PHACTR1: variants seen among roughly 807,000 people sequenced by gnomAD.
PHACTR1 encodes phosphatase and actin regulator 1.
A neutral mutation model predicts 69.2 loss-of-function variants in PHACTR1; 16 were observed. The observed-to-expected ratio is 0.23, with a 90% CI of 0.16 to 0.35. The LOEUF is 0.35. Ranked by LOEUF, PHACTR1 falls within the 10% of genes least tolerant of loss-of-function variation. The probability of loss-of-function intolerance (pLI) is 1.00; values close to 1 mark genes in which losing one functional copy is unlikely to be tolerated. For missense variants in PHACTR1, 510 were observed against 734.7 expected (o/e 0.69, Z 3.54); for synonymous variants, 312 against 284.5 (o/e 1.10, Z -0.97).
intron 8 of PHACTR1, among the ~76,000 whole-genome samples, chr6:13,217,688 A>G (rs536759895): frequency 2.6e-5 from 4 of 152,370 alleles, no homozygotes; most frequent in South Asian, 2.1e-4. Flanking sequence ...ATAGAACAGC[A>G]TAGTTTCCTG....
chr6:12,889,510 T>C (rs1376669414), intron 4 of PHACTR1, among the ~76,000 whole-genome samples: 1 of 152,260 alleles, frequency 6.6e-6, no homozygotes, highest in Non-Finnish European at 1.5e-5. Flanking sequence ...TTTGTCGGCC[T>C]TCTCTCAAAT....
At chr6:13,036,127 C>T (rs1280075279) in intron 4 of PHACTR1, among the ~76,000 whole-genome samples, 1 of 143,384 alleles carries the variant, frequency 7.0e-6, no homozygotes, top group Non-Finnish European at 1.6e-5. Context: ...TAAATCCACC[C>T]CCGCATTCCA....
intron 4 of PHACTR1, among the ~76,000 whole-genome samples, chr6:12,757,807 G>T (rs1767514773): frequency 6.6e-6 from 1 of 152,070 alleles, no homozygotes; most frequent in South Asian, 2.1e-4. Context: ...ACATCCAAGT[G>T]GCTACATTTA....
At chr6:12,763,505 TA>T (rs1390930934) in intron 4 of PHACTR1, among the ~76,000 whole-genome samples, 7 of 152,218 alleles carry the variant, frequency 4.6e-5, no homozygotes, top group African/African-American at 1.7e-4. Flanking sequence ...AGCAGAGTTA[TA>T]GCTACTGGGA....
In PHACTR1 at chr6:13,048,522, T is replaced by TTGTGTGTGTGTGTGTGTGTG. The variant is rs70989824; in HGVS notation, c.251-4830_251-4811dup. Among the ~76,000 whole-genome samples the TTGTGTGTGTGTGTGTGTGTG allele has an allele frequency of 2.0e-3, 281 of 142,966 alleles. 1 individual carries two copies. The highest frequency in any genetic ancestry group is 5.7e-3 in the African/African-American group (217 of 37,942). The allele number at this position is 142,966 out of a possible 152,430, so 93.8% of individuals were successfully genotyped here. On this transcript the variant is annotated intron_variant, in intron 4 of 14. Coordinates refer to ENST00000332995, the MANE Select transcript of PHACTR1 (RefSeq NM_030948.6). ...GACCTGTTTTTTGGTTTCCATTTCT[T>TTGTGTGTGTGTGTGTGTGTG]TGTGTGTGTGTGTGTGTGTGTGTGT...
At chr6:12,862,288 T>C (rs1484535191) in intron 4 of PHACTR1, among the ~76,000 whole-genome samples, 5 of 152,146 alleles carry the variant, frequency 3.3e-5, no homozygotes, top group Admixed American at 2.0e-4. Context: ...GGTTGGCCAA[T>C]GTTGGTGAGT....
chr6:12,963,812 A>T (rs1793065584), intron 4 of PHACTR1, among the ~76,000 whole-genome samples: 1 of 152,212 alleles, frequency 6.6e-6, no homozygotes, highest in South Asian at 2.1e-4. Flanking sequence ...TCTTGTTGTT[A>T]TTAGAATGAG....
chr6:12,772,281 A>C (rs1487611772), intron 4 of PHACTR1, among the ~76,000 whole-genome samples: 1 of 152,232 alleles, frequency 6.6e-6, no homozygotes, highest in Non-Finnish European at 1.5e-5. Context: ...CAGGATATGC[A>C]GGTTCACATA....
At chr6:13,184,998 C>T (rs1762655959) in intron 7 of PHACTR1, 1 of 1,365,680 alleles carries the variant, frequency 7.3e-7, no homozygotes, top group South Asian at 1.1e-5. Context: ...TTGCCAACCA[C>T]TTAACAGGTG....
intron 4 of PHACTR1, among the ~76,000 whole-genome samples, chr6:12,856,255 C>CTTTTTTTTTTT (rs66541950): frequency 1.5e-5 from 2 of 135,806 alleles, no homozygotes; most frequent in African/African-American, 5.6e-5. Flanking sequence ...TTCTTTCTTT[C>CTTTTTTTTTTT]TTTTTTTTTT....
chr6:13,044,554 C>T (rs1372805928), intron 4 of PHACTR1, among the ~76,000 whole-genome samples: 2 of 152,120 alleles, frequency 1.3e-5, no homozygotes, highest in East Asian at 1.9e-4. Context: ...ACATGCCCAC[C>T]TCTGGCGTCA....
At chr6:13,016,961 T>C (rs1800264003) in intron 4 of PHACTR1, among the ~76,000 whole-genome samples, 2 of 152,082 alleles carry the variant, frequency 1.3e-5, no homozygotes, top group Non-Finnish European at 1.5e-5. Flanking sequence ...CCAAAGCCTG[T>C]GGATCACTTG....
chr6:13,155,887 C>CA (rs56094310), intron 5 of PHACTR1, among the ~76,000 whole-genome samples: 8,220 of 135,786 alleles, frequency 0.061, 505 homozygotes, highest in African/African-American at 0.16. Flanking sequence ...GACTCCCTCT[C>CA]AAAAAAAAAA....
chr6:13,074,997 T>C (rs1810196733), intron 5 of PHACTR1, among the ~76,000 whole-genome samples: 1 of 152,210 alleles, frequency 6.6e-6, no homozygotes, highest in African/African-American at 2.4e-5. Context: ...CATTTGAGTG[T>C]GGTGATCATT....
intron 4 of PHACTR1, among the ~76,000 whole-genome samples, chr6:12,865,466 G>T (rs1429267965): frequency 6.6e-6 from 1 of 152,034 alleles, no homozygotes; most frequent in African/African-American, 2.4e-5. Context: ...GGGTGTGTGT[G>T]TGTGTGTGTG....
At chr6:13,187,876 T>A (rs1206961611) in intron 7 of PHACTR1, among the ~76,000 whole-genome samples, 2 of 152,218 alleles carry the variant, frequency 1.3e-5, no homozygotes, top group East Asian at 3.8e-4. Flanking sequence ...GATATGACAT[T>A]GTAAAAAGAA....
intron 4 of PHACTR1, among the ~76,000 whole-genome samples, chr6:12,952,465 G>C (rs954283430): frequency 6.6e-6 from 1 of 152,182 alleles, no homozygotes; most frequent in South Asian, 2.1e-4. Flanking sequence ...CATGTAGTCA[G>C]ACTCAAACAG....
At chr6:13,033,113 A>AT (rs1802715067) in intron 4 of PHACTR1, among the ~76,000 whole-genome samples, 1 of 152,032 alleles carries the variant, frequency 6.6e-6, no homozygotes. Context: ...GCAACTACAT[A>AT]TATAAGGAGG....
At chr6:13,266,068 G>A (rs1281708153) in intron 10 of PHACTR1, among the ~76,000 whole-genome samples, 1 of 151,932 alleles carries the variant, frequency 6.6e-6, no homozygotes, top group African/African-American at 2.4e-5. Flanking sequence ...CAAATTCATG[G>A]TTTTCTTCCA....
Sources: gnomAD v4.1 joint callset for allele counts (sites outside exome capture counted in the v4.1 genomes callset) on GRCh38, gnomAD v4.1.1 for gene constraint, MANE v1.5 for transcripts, NCBI Gene and HGNC (gene_info 2026-07-23, HGNC 2026-07-21) for gene names.